The following KCNIP4 variants were observed in gnomAD, a reference collection of about 807,000 sequenced individuals.
The protein encoded by KCNIP4 is potassium voltage-gated channel interacting protein 4.
KCNIP4 carries 12 observed loss-of-function variants against 34.0 expected under a neutral mutation model. The ratio of observed to expected loss-of-function variants is 0.35; its 90% CI spans 0.23 to 0.57. KCNIP4 has a LOEUF of 0.57. Among genes scored for constraint, KCNIP4 ranks in the 20% least tolerant of loss-of-function variants. The pLI is 0.83. For synonymous variants in KCNIP4, 124 were observed against 102.2 expected (o/e 1.21, Z -1.29); for missense variants, 238 against 311.7 (o/e 0.76, Z 1.78).
chr4:21,296,509 A>G (rs1301847768), intron 1 of KCNIP4, among the ~76,000 whole-genome samples: 1 of 151,456 alleles, frequency 6.6e-6, no homozygotes, highest in African/African-American at 2.4e-5. Flanking sequence ...TAGAAATACC[A>G]ACTATATTAA....
intron 1 of KCNIP4, among the ~76,000 whole-genome samples, chr4:21,764,546 T>C (rs1718277820): frequency 6.6e-6 from 1 of 152,094 alleles, no homozygotes; most frequent in Non-Finnish European, 1.5e-5. Flanking sequence ...ATTAATTATG[T>C]CTGGTCAGGA....
chr4:21,506,477 ATAGT>A (rs1231070709), intron 1 of KCNIP4, among the ~76,000 whole-genome samples: 2 of 152,364 alleles, frequency 1.3e-5, no homozygotes, highest in South Asian at 2.1e-4. Flanking sequence ...TGGCAATTTA[ATAGT>A]TAGTACATCT....
chr4:21,809,723 C>CT (rs1560730837), intron 1 of KCNIP4, among the ~76,000 whole-genome samples: 1 of 152,038 alleles, frequency 6.6e-6, no homozygotes, highest in Admixed American at 6.6e-5. Context: ...AAGTTTAATT[C>CT]TTTTTTGTTA....
intron 1 of KCNIP4, among the ~76,000 whole-genome samples, chr4:21,789,515 C>A (rs1720135859): frequency 6.6e-6 from 1 of 152,110 alleles, no homozygotes; most frequent in Non-Finnish European, 1.5e-5. Flanking sequence ...AAAGTAAGTA[C>A]TTCTTTTAAA....
chr4:21,245,270 G>A (rs750230104), intron 1 of KCNIP4, among the ~76,000 whole-genome samples: 6 of 152,136 alleles, frequency 3.9e-5, no homozygotes, highest in Non-Finnish European at 8.8e-5. Flanking sequence ...TCTCTGTAGG[G>A]TTACTCTTAT....
At chr4:21,086,170 G>A (rs928697808) in intron 1 of KCNIP4, among the ~76,000 whole-genome samples, 5 of 152,130 alleles carry the variant, frequency 3.3e-5, no homozygotes, top group African/African-American at 9.7e-5. Context: ...CACCCCTGGA[G>A]TGCCTAACGA....
chr4:20,893,394 G>A (rs1284871683), intron 1 of KCNIP4, among the ~76,000 whole-genome samples: 2 of 151,960 alleles, frequency 1.3e-5, no homozygotes, highest in Non-Finnish European at 2.9e-5. Context: ...GTAAGGCTTC[G>A]GAAAAGTAAC....
intron 1 of KCNIP4, among the ~76,000 whole-genome samples, chr4:21,262,389 G>T (rs1211879892): frequency 6.6e-6 from 1 of 152,118 alleles, no homozygotes; most frequent in Non-Finnish European, 1.5e-5. Context: ...CTTCCAGAAT[G>T]CCTTTGACTG....
intron 1 of KCNIP4, among the ~76,000 whole-genome samples, chr4:21,873,434 T>A (rs556935461): frequency 6.6e-6 from 1 of 152,106 alleles, no homozygotes; most frequent in South Asian, 2.1e-4. Context: ...AAAAGAACAA[T>A]GCAAAAACAG....
chr4:21,834,538 A>G (rs79447647), intron 1 of KCNIP4, among the ~76,000 whole-genome samples: 11,915 of 152,224 alleles, frequency 0.078, 530 homozygotes, highest in Middle Eastern at 0.13. Flanking sequence ...TCGTCTGCAA[A>G]CAGGGACAAT....
rs1302138094 is a variant in KCNIP4 at position 20,773,545 on chromosome 4, G to GTTGT, written c.289-14656_289-14655insACAA. Reference sequence around the variant, plus strand: ...CTCTGGAGCTCAGACGGCGCTCAGCGTGAGTTGGACCAAACATTCTTAGGG... The same window carrying GTTGT: ...CTCTGGAGCTCAGACGGCGCTCAGCGTTGTTGAGTTGGACCAAACATTCTTAGGG... On this transcript the variant is annotated intron_variant, in intron 3 of 8. Coordinates refer to ENST00000382152, the MANE Select transcript of KCNIP4 (RefSeq NM_025221.6). Among the ~76,000 whole-genome samples the GTTGT allele has an allele frequency of 2.0e-5, 3 of 152,280 alleles. No homozygotes were observed. The East Asian group carries it at 5.8e-4, about 29-fold the overall frequency.
intron 1 of KCNIP4, among the ~76,000 whole-genome samples, chr4:21,768,629 C>T (rs1403715917): frequency 1.3e-5 from 2 of 152,064 alleles, no homozygotes; most frequent in Non-Finnish European, 2.9e-5. Flanking sequence ...CACATCCACT[C>T]TTAGTTGGTG....
At position 21,690,928 on chromosome 4, in the gene KCNIP4, T is replaced by C. The variant is rs559303347; in HGVS notation, c.61+257643A>G. ...GAATGTAAAAAAACATACAGAGAAA[T>C]ATTTGAGAGAAGTTTTACTGTCAAA... On this transcript the variant is annotated intron_variant, in intron 1 of 8. Coordinates refer to ENST00000382152, the MANE Select transcript of KCNIP4 (RefSeq NM_025221.6). 7.2e-5 allele frequency among the ~76,000 whole-genome samples: 11 copies of C among 152,230 alleles called. No homozygotes were observed. In the East Asian group the frequency reaches 1.9e-3, roughly 27 times the overall value.
intron 1 of KCNIP4, among the ~76,000 whole-genome samples, chr4:21,553,850 C>T (rs1738775542): frequency 6.6e-6 from 1 of 152,054 alleles, no homozygotes; most frequent in Non-Finnish European, 1.5e-5. Flanking sequence ...AGATTTAGGA[C>T]TTACCCCAAA....
chr4:21,346,517 T>C (rs1232025110), intron 1 of KCNIP4, among the ~76,000 whole-genome samples: 3 of 151,436 alleles, frequency 2.0e-5, no homozygotes, highest in African/African-American at 7.3e-5. Context: ...GGAAGACAGC[T>C]TATTTGTAAG....
At chr4:21,598,683 C>A (rs1176510421) in intron 1 of KCNIP4, among the ~76,000 whole-genome samples, 1 of 151,842 alleles carries the variant, frequency 6.6e-6, no homozygotes, top group Non-Finnish European at 1.5e-5. Context: ...TGCTTCCCCC[C>A]AAAAAGATCT....
At chr4:20,954,675 C>T (rs1733117674) in intron 1 of KCNIP4, among the ~76,000 whole-genome samples, 1 of 152,204 alleles carries the variant, frequency 6.6e-6, no homozygotes, top group South Asian at 2.1e-4. Context: ...GCCCATACTT[C>T]TGGCAGATGT....
chr4:21,822,779 G>A (rs1048901884), intron 1 of KCNIP4, among the ~76,000 whole-genome samples: 7 of 149,172 alleles, frequency 4.7e-5, no homozygotes, highest in East Asian at 4.0e-4. Flanking sequence ...GCGCGGTGGC[G>A]CAATCTTGGC....
intron 1 of KCNIP4, among the ~76,000 whole-genome samples, chr4:21,099,378 C>T (rs780771091): frequency 2.0e-4 from 31 of 152,088 alleles, no homozygotes; most frequent in Non-Finnish European, 2.9e-4. Flanking sequence ...AACCAAACAC[C>T]GCATGTTCTC....
Sources: gnomAD v4.1 joint callset for allele counts (sites outside exome capture counted in the v4.1 genomes callset) on GRCh38, gnomAD v4.1.1 for gene constraint, MANE v1.5 for transcripts, NCBI Gene and HGNC (gene_info 2026-07-23, HGNC 2026-07-21) for gene names.